DGKB: variants seen among roughly 807,000 people sequenced by gnomAD.
DGKB encodes the protein 90 kDa diacylglycerol kinase.
Under a neutral mutation model 114.3 loss-of-function variants are expected in DGKB, and 67 were observed. That is an observed-to-expected ratio of 0.59 (90% CI 0.48 to 0.72). The LOEUF is 0.72. DGKB is among the 30% of genes least tolerant of loss of function. The pLI is 0.00. For synonymous variants in DGKB, 398 were observed against 323.1 expected, an observed-to-expected ratio of 1.23 and a Z score of -2.49; for missense variants, 907 against 975.2, an observed-to-expected ratio of 0.93 and a Z score of 0.93.
intron 2 of DGKB, among the ~76,000 whole-genome samples, chr7:14,807,147 T>C (rs1260239156): frequency 6.6e-6 from 1 of 152,012 alleles, no homozygotes; most frequent in Non-Finnish European, 1.5e-5. Flanking sequence ...GTTAAGTCTA[T>C]AAATTCCCTC....
At chr7:14,173,781 C>G (rs1219676885) in intron 25 of DGKB, among the ~76,000 whole-genome samples, 1 of 151,998 alleles carries the variant, frequency 6.6e-6, no homozygotes, top group Non-Finnish European at 1.5e-5. Context: ...GTAGAGTATG[C>G]CAGAATGTAA....
At chr7:14,566,190 T>C (rs1477661315) in intron 20 of DGKB, among the ~76,000 whole-genome samples, 1 of 152,210 alleles carries the variant, frequency 6.6e-6, no homozygotes, top group Admixed American at 6.5e-5. Context: ...AACTTTGCTG[T>C]ATAATTATAT....
intron 21 of DGKB, among the ~76,000 whole-genome samples, chr7:14,385,625 C>T (rs914024682): frequency 6.6e-6 from 1 of 152,028 alleles, no homozygotes. Context: ...GTGATAAATC[C>T]CATTGGCAGT....
At chr7:14,672,878 G>T (rs1470269025) in intron 13 of DGKB, 51 bp downstream of exon 13, 7 of 1,114,890 alleles carry the variant, frequency 6.3e-6, no homozygotes, top group Admixed American at 4.2e-5. Context: ...ATACGATACT[G>T]ATAAGTCACA....
intron 20 of DGKB, among the ~76,000 whole-genome samples, chr7:14,530,706 T>C (rs1791441867): frequency 6.6e-6 from 1 of 151,534 alleles, no homozygotes; most frequent in South Asian, 2.1e-4. Context: ...AACTGACTTC[T>C]TGCCAATCTC....
chr7:14,752,187 A>G (rs2128436609), intron 4 of DGKB, among the ~76,000 whole-genome samples: 1 of 152,294 alleles, frequency 6.6e-6, no homozygotes, highest in Non-Finnish European at 1.5e-5. Context: ...ATTTGGTTCT[A>G]GAAGGATAAT....
chr7:14,610,717 T>C (rs1017780701), intron 16 of DGKB, among the ~76,000 whole-genome samples: 3 of 152,072 alleles, frequency 2.0e-5, no homozygotes, highest in Non-Finnish European at 2.9e-5. Flanking sequence ...TGGACAACTC[T>C]GTGCCTTCCT....
intron 23 of DGKB, among the ~76,000 whole-genome samples, chr7:14,332,947 A>G (rs1043883804): frequency 6.6e-6 from 1 of 152,202 alleles, no homozygotes; most frequent in Non-Finnish European, 1.5e-5. Context: ...TTTCAAGCAG[A>G]AAGTCCAGCT....
intron 1 of DGKB, among the ~76,000 whole-genome samples, chr7:14,893,377 C>T (rs1007964293): frequency 6.6e-6 from 1 of 151,396 alleles, no homozygotes; most frequent in African/African-American, 2.4e-5. Flanking sequence ...TTAGAACATT[C>T]CAGGTTTCTG....
At chr7:14,938,906 T>C (rs1785411374) in intron 1 of DGKB, among the ~76,000 whole-genome samples, 1 of 152,174 alleles carries the variant, frequency 6.6e-6, no homozygotes, top group Non-Finnish European at 1.5e-5. Context: ...CTGTATGACC[T>C]TGGTCATGTG....
chr7:14,429,889 T>G (rs1170403705), intron 21 of DGKB, among the ~76,000 whole-genome samples: 1 of 151,656 alleles, frequency 6.6e-6, no homozygotes, highest in Non-Finnish European at 1.5e-5. Context: ...ATCAGGCCAC[T>G]GGACTCCAGC....
chr7:14,480,728 C>CTTTATTTATTTA, intron 20 of DGKB, among the ~76,000 whole-genome samples: 1 of 152,210 alleles, frequency 6.6e-6, no homozygotes, highest in African/African-American at 2.4e-5. Flanking sequence ...AGCCTTGTGA[C>CTTTATTTATTTA]TTCAAACAAA....
At chr7:14,421,415 A>C (rs538886708) in intron 21 of DGKB, among the ~76,000 whole-genome samples, 1 of 152,204 alleles carries the variant, frequency 6.6e-6, no homozygotes, top group Non-Finnish European at 1.5e-5. Flanking sequence ...GAATAAAATA[A>C]TGTATGTTTA....
rs73280351 is a variant in DGKB at position 14,448,729 on chromosome 7, C to T, written c.1835+29432G>A. Reference sequence around the variant, plus strand: ...ATTTCATACTTGGAGAACTAAAAAACGGATACGTTAAGTAAGTTGCTTAAG... The same window carrying T: ...ATTTCATACTTGGAGAACTAAAAAATGGATACGTTAAGTAAGTTGCTTAAG... On this transcript the variant is annotated intron_variant, in intron 21 of 25. Transcript: ENST00000402815. Among the ~76,000 whole-genome samples, 1,415 of 152,076 alleles carry T rather than the reference C, an allele frequency of 9.3e-3. 24 individuals carry two copies. The highest frequency in any genetic ancestry group is 0.033 in the African/African-American group (1,352 of 41,506).
intron 23 of DGKB, among the ~76,000 whole-genome samples, chr7:14,327,212 T>C (rs1808897548): frequency 6.6e-6 from 1 of 152,182 alleles, no homozygotes; most frequent in Non-Finnish European, 1.5e-5. Context: ...AGTTCCTTTT[T>C]GATTGCTGAC....
chr7:14,261,581 T>C (rs1261060311), intron 23 of DGKB, among the ~76,000 whole-genome samples: 2 of 152,164 alleles, frequency 1.3e-5, no homozygotes, highest in Non-Finnish European at 2.9e-5. Context: ...AAACTAGATA[T>C]TATATTTGGA....
chr7:14,882,814 C>T (rs562416305), intron 1 of DGKB, among the ~76,000 whole-genome samples: 5 of 152,024 alleles, frequency 3.3e-5, no homozygotes, highest in African/African-American at 7.2e-5. Flanking sequence ...TGTATATATG[C>T]CACATTTTCT....
At chr7:14,150,908 A>G (rs1336274532) in intron 25 of DGKB, among the ~76,000 whole-genome samples, 2 of 152,128 alleles carry the variant, frequency 1.3e-5, no homozygotes, top group African/African-American at 4.8e-5. Flanking sequence ...CAGATACTGT[A>G]TCAGGAACTT....
At position 14,563,838 on chromosome 7, in the gene DGKB, T is replaced by C. The variant is rs533083884; in HGVS notation, c.1770+10374A>G. Among the ~76,000 whole-genome samples, 131 of 152,258 alleles carry C rather than the reference T, an allele frequency of 8.6e-4. 1 individual carries two copies. The highest frequency in any genetic ancestry group is 1.6e-3 in the Non-Finnish European group (106 of 68,022). ...CCCCAACAACTAGCCAGGTGAAATATTCTGGGGTCTTCACCAAGTTTTCCT... is the reference window on the plus strand; with the variant it reads ...CCCCAACAACTAGCCAGGTGAAATACTCTGGGGTCTTCACCAAGTTTTCCT... On this transcript the variant is annotated intron_variant, in intron 20 of 25. Transcript: ENST00000402815.
Sources: gnomAD v4.1 joint callset for allele counts (sites outside exome capture counted in the v4.1 genomes callset) on GRCh38, gnomAD v4.1.1 for gene constraint, MANE v1.5 for transcripts, NCBI Gene and HGNC (gene_info 2026-07-23, HGNC 2026-07-21) for gene names.